The following EFHC2 variants were observed in gnomAD, a reference collection of about 807,000 sequenced individuals.
EFHC2 encodes the protein EF-hand domain-containing family member C2.
In EFHC2, 18 loss-of-function variants were observed where a neutral mutation model predicts 52.7. That is an observed-to-expected ratio of 0.34 (90% CI 0.24 to 0.51). EFHC2 has a LOEUF of 0.51. EFHC2 is among the 20% of genes least tolerant of loss of function. EFHC2 has a pLI of 0.97. For missense variants in EFHC2, 513 were observed against 562.5 expected (o/e 0.91, Z 0.89); for synonymous variants, 203 against 204.1 (o/e 0.99, Z 0.04).
intron 11 of EFHC2, 51 bp downstream of exon 11, chrX:44,229,598 T>C: frequency 8.4e-7 from 1 of 1,195,692 alleles, no homozygotes; most frequent in Non-Finnish European, 1.1e-6. Flanking sequence ...TCTCTGTTCT[T>C]TGGACAACCT....
intron 10 of EFHC2, among the ~76,000 whole-genome samples, chrX:44,231,604 G>A (rs765706743): frequency 2.8e-5 from 3 of 108,784 alleles, no homozygotes; most frequent in South Asian, 8.1e-4. Context: ...CTGTCTTGGC[G>A]TCTGCTTCTC....
chrX:44,328,877 A>G (rs1323709993), intron 1 of EFHC2, among the ~76,000 whole-genome samples: 1 of 111,609 alleles, frequency 9.0e-6, no homozygotes, highest in Non-Finnish European at 1.9e-5. Context: ...GGAAGCCTCT[A>G]GAAGGTATTT....
chrX:44,325,919 G>T (rs111281203), intron 1 of EFHC2, among the ~76,000 whole-genome samples: 1,581 of 105,809 alleles, frequency 0.015, 27 homozygotes, highest in African/African-American at 0.053. Context: ...TTGAGACAGG[G>T]TCTTGCTCTG....
chrX:44,244,249 C>T (rs1476081428), intron 7 of EFHC2, among the ~76,000 whole-genome samples: 1 of 111,646 alleles, frequency 9.0e-6, no homozygotes, highest in Non-Finnish European at 1.9e-5. Context: ...TCCATCATGC[C>T]TGACTTTTAT....
chrX:44,165,662 T>C lies in EFHC2; in HGVS notation c.2043-1635A>G, dbSNP rs189538043. Among the ~76,000 whole-genome samples the C allele has an allele frequency of 3.6e-5, 4 of 111,636 alleles. No homozygotes were observed. In the East Asian group the frequency reaches 1.1e-3, roughly 32 times the overall value. On this transcript the variant is annotated intron_variant, in intron 13 of 14. Transcript: ENST00000420999. ...CAAAGAATGAGATCATGTAGGACCT[T>C]TGGCTTTTATGCTGAGGAAAACTAA...
Position 44,211,206 on chromosome X carries a change from A to G in EFHC2, c.1751+18443T>C, listed in dbSNP as rs181515790. Among the ~76,000 whole-genome samples the G allele has an allele frequency of 1.7e-3, 192 of 112,341 alleles. 1 individual carries two copies. Among genetic ancestry groups the G allele is most frequent in the African/African-American group, 6.1e-3 (188 of 30,958 alleles). On this transcript the variant is annotated intron_variant, in intron 11 of 14. Transcript: ENST00000420999. ...ACTAGAACTCTCCAAGACTCCTGGT[A>G]AAAAAGAAAAATATACAACTACTTT...
chrX:44,242,134 T>G lies in EFHC2; in HGVS notation c.1267A>C (p.Met423Leu). 8.4e-7 allele frequency: 1 copy of G among 1,190,909 alleles called. No individual in the cohort carries two copies. Among genetic ancestry groups the G allele is most frequent in the Admixed American group, 2.3e-5 (1 of 42,593 alleles). The stretch of plus-strand genomic sequence containing the variant: ...TCCCTCAAGCACCTGTCTTTTTCCA[T>G]AAACTTCTTGAAGTTCCTCCGATGA... ...TPHRRNFKKFMEKDSYGSKSN... is the reference protein window; with the variant it reads ...TPHRRNFKKFLEKDSYGSKSN... Residue 423 changes from methionine to leucine, a missense_variant, in exon 8 of 15, where the codon ATG becomes CTG. Coordinates refer to ENST00000420999, the MANE Select transcript of EFHC2 (RefSeq NM_025184.4).
chrX:44,186,470 G>A (rs371238697), intron 11 of EFHC2, among the ~76,000 whole-genome samples: 68 of 111,748 alleles, frequency 6.1e-4, no homozygotes, highest in African/African-American at 2.1e-3. Flanking sequence ...AGAGTTCTTC[G>A]TTTTCTACCA....
At chrX:44,181,007 T>G (rs1307820125) in intron 11 of EFHC2, among the ~76,000 whole-genome samples, 1 of 108,034 alleles carries the variant, frequency 9.3e-6, no homozygotes, top group Non-Finnish European at 1.9e-5. Flanking sequence ...GGCAGGAAGA[T>G]CACTTGAAGT....
chrX:44,253,446 T>C (rs1023848894), intron 4 of EFHC2, among the ~76,000 whole-genome samples: 17 of 110,153 alleles, frequency 1.5e-4, no homozygotes, highest in African/African-American at 3.3e-5. Context: ...GGGAGGGGCG[T>C]CCCCCATTAC....
intron 13 of EFHC2, among the ~76,000 whole-genome samples, chrX:44,167,247 C>T (rs1602130455): frequency 1.8e-5 from 2 of 112,093 alleles, no homozygotes; most frequent in African/African-American, 6.5e-5. Context: ...CACTTCTGGT[C>T]CCTTTGTCTG....
intron 2 of EFHC2, among the ~76,000 whole-genome samples, chrX:44,303,153 G>A (rs1049501751): frequency 9.0e-6 from 1 of 111,046 alleles, no homozygotes; most frequent in Non-Finnish European, 1.9e-5. Context: ...AAGCTGGCCT[G>A]GCATCCACAG....
At chrX:44,231,483 A>AT (rs2037276578) in intron 10 of EFHC2, among the ~76,000 whole-genome samples, 1 of 105,403 alleles carries the variant, frequency 9.5e-6, no homozygotes, top group African/African-American at 3.5e-5. Context: ...CTCTCCTTCC[A>AT]TAGGGGTTCA....
intron 2 of EFHC2, among the ~76,000 whole-genome samples, chrX:44,277,459 A>G (rs1182864834): frequency 9.0e-6 from 1 of 111,358 alleles, no homozygotes; most frequent in Non-Finnish European, 1.9e-5. Context: ...AAAGGGATAT[A>G]ATGGTAAGGA....
intron 2 of EFHC2, among the ~76,000 whole-genome samples, chrX:44,276,972 C>G (rs2037662723): frequency 9.0e-6 from 1 of 111,613 alleles, no homozygotes; most frequent in Non-Finnish European, 1.9e-5. Context: ...CAAAAACTTA[C>G]AGCTGAGGCC....
At chrX:44,288,475 A>T (rs1332682099) in intron 2 of EFHC2, among the ~76,000 whole-genome samples, 1 of 110,743 alleles carries the variant, frequency 9.0e-6, no homozygotes, top group Non-Finnish European at 1.9e-5. Context: ...CCACTTAGAG[A>T]CAATCACTAA....
At chrX:44,151,272 T>C (rs2036568325) in intron 14 of EFHC2, among the ~76,000 whole-genome samples, 1 of 111,650 alleles carries the variant, frequency 9.0e-6, no homozygotes, top group African/African-American at 3.3e-5. Flanking sequence ...TAAGGATGGT[T>C]CTAAGAATTC....
intron 11 of EFHC2, among the ~76,000 whole-genome samples, chrX:44,205,696 T>C (rs1357241782): frequency 9.0e-6 from 1 of 111,719 alleles, no homozygotes; most frequent in African/African-American, 3.2e-5. Flanking sequence ...TAAATATATA[T>C]GCACTCAACA....
At chrX:44,273,683 C>T (rs368495865) in intron 2 of EFHC2, among the ~76,000 whole-genome samples, 2 of 111,463 alleles carry the variant, frequency 1.8e-5, no homozygotes, top group East Asian at 5.6e-4. Flanking sequence ...AATATGGCAT[C>T]CTGCTCACAC....
Sources: allele counts gnomAD v4.1 joint callset (sites outside exome capture counted in the v4.1 genomes callset), GRCh38; gene constraint gnomAD v4.1.1; transcripts MANE v1.5; gene names NCBI Gene and HGNC (gene_info 2026-07-23, HGNC 2026-07-21).